The following ITIH6 variants were observed in gnomAD, a reference collection of about 807,000 sequenced individuals.
ITIH6 encodes the protein inter-alpha-trypsin inhibitor heavy chain H6.
Under a neutral mutation model 58.2 loss-of-function variants are expected in ITIH6, and 60 were observed. The ratio of observed to expected loss-of-function variants is 1.03; its 90% confidence interval spans 0.84 to 1.28. ITIH6 has a LOEUF of 1.28. Among genes scored for constraint, ITIH6 ranks in the 50% most tolerant of loss-of-function variants. The probability of loss-of-function intolerance (pLI) is 0.00; values close to 1 mark genes in which losing one functional copy is unlikely to be tolerated. For missense variants in ITIH6, 1,290 were observed against 1,021.1 expected (o/e 1.26, Z -3.59); for synonymous variants, 493 against 417.4 (o/e 1.18, Z -2.21).
chrX:54,792,673 G>A (rs961549254), intron 2 of ITIH6, among the ~76,000 whole-genome samples: 2 of 111,687 alleles, frequency 1.8e-5, no homozygotes, highest in African/African-American at 6.5e-5. Context: ...TCCTCAGGGA[G>A]CTCAGAGACT....
rs976730213 is a variant in ITIH6 at position 54,771,402 on chromosome X, A to T, written c.903+2679T>A. ...AAAATTCTTTTTATTTTTGTTTTTTAGCTTCAGGAATTTCTATGAACGTAT... is the reference window on the plus strand; with the variant it reads ...AAAATTCTTTTTATTTTTGTTTTTTTGCTTCAGGAATTTCTATGAACGTAT... On this transcript the variant is annotated intron_variant, in intron 6 of 12. Coordinates refer to ENST00000218436, the MANE Select transcript of ITIH6 (RefSeq NM_198510.3). Among the ~76,000 whole-genome samples the T allele has an allele frequency of 1.2e-4, 13 of 111,608 alleles. 1 individual carries two copies. The highest frequency in any genetic ancestry group is 4.2e-4 in the African/African-American group (13 of 30,683).
At chrX:54,773,267 A>G (rs1286400761) in intron 6 of ITIH6, among the ~76,000 whole-genome samples, 1 of 111,371 alleles carries the variant, frequency 9.0e-6, no homozygotes, top group African/African-American at 3.3e-5. Flanking sequence ...AGGACTTCTG[A>G]GATTTTTACC....
At chrX:54,760,748 C>T (rs1334050842) in intron 6 of ITIH6, among the ~76,000 whole-genome samples, 1 of 111,216 alleles carries the variant, frequency 9.0e-6, no homozygotes. Context: ...TCATCCATGT[C>T]CCTACAAAGG....
chrX:54,795,586 T>G (rs1208817676), intron 2 of ITIH6, among the ~76,000 whole-genome samples: 4 of 111,856 alleles, frequency 3.6e-5, no homozygotes, highest in Non-Finnish European at 7.5e-5. Context: ...TCCCTGACAG[T>G]ACAGTGACAC....
rs1311797478 is a variant in ITIH6 at position 54,758,619 on chromosome X, C to T, written c.1455G>A (p.Leu485=). Residue 485 remains leucine (L), a synonymous_variant, in exon 8 of 13, where the codon TTG becomes TTA. Coordinates refer to ENST00000218436, the MANE Select transcript of ITIH6 (RefSeq NM_198510.3). ...ADVRLNYLGG[L]VGASPWAVFP... is the part of the protein sequence containing the mutation. Reference sequence around the variant, plus strand: ...AAACGGCCCAAGGGGAGGCCCCAACCAAGCCACCCAGGTAGTTCAGACGCA... The same window carrying T: ...AAACGGCCCAAGGGGAGGCCCCAACTAAGCCACCCAGGTAGTTCAGACGCA... The T allele has an allele frequency of 1.7e-6, 2 of 1,209,938 alleles. No homozygotes were observed. Among genetic ancestry groups the T allele is most frequent in the African/African-American group, 1.7e-5 (1 of 57,200 alleles).
intron 8 of ITIH6, among the ~76,000 whole-genome samples, chrX:54,756,297 C>A (rs1306034199): frequency 9.0e-6 from 1 of 111,221 alleles, no homozygotes; most frequent in Non-Finnish European, 1.9e-5. Flanking sequence ...ATTCTGTGAC[C>A]AGATTGTATG....
At chrX:54,766,195 TTGTTGG>T (rs982588668) in intron 6 of ITIH6, among the ~76,000 whole-genome samples, 2 of 110,055 alleles carry the variant, frequency 1.8e-5, no homozygotes, top group Admixed American at 2.0e-4. Flanking sequence ...TCTCTGTCTG[TTGTTGG>T]TGTATAGGAA....
In ITIH6 at chrX:54,751,288, T is replaced by C; in HGVS notation, c.3445A>G (p.Thr1149Ala). 8.3e-7 allele frequency: 1 copy of C among 1,211,741 alleles called. No individual in the cohort carries two copies. The highest frequency in any genetic ancestry group is 1.1e-6 in the Non-Finnish European group (1 of 895,397). ...RTYFQIITVT[T>A]DKPRAYTITI... is the part of the protein sequence containing the mutation. ...ATAGTATAGGCCCGGGGTTTGTCTG[T>C]AGTGACTGTGATGATCTGGAAGTAG... The change falls in exon 12 of 13, where the codon ACA becomes GCA. Residue 1149 changes from threonine (T) to alanine (A), a missense_variant. Coordinates refer to ENST00000218436, the MANE Select transcript of ITIH6 (RefSeq NM_198510.3).
intron 1 of ITIH6, 73 bp from the exon 2 acceptor site, chrX:54,797,169 C>G: frequency 1.1e-6 from 1 of 930,822 alleles, no homozygotes; most frequent in Non-Finnish European, 1.5e-6. Context: ...TCTTTGGGAA[C>G]CCAAGATTCC....
At position 54,758,307 on chromosome X, in the gene ITIH6, A is replaced by C; in HGVS notation, c.1767T>G (p.Ala589=). ...CAAGGGACAGGTTGAGGACTTTGGC[A>C]GCCAGCAGGTGGCGAGTGGTGGTGT... ...ARDTTTRHLL[A]AKVLNLSLEY... The change falls in exon 8 of 13, where the codon GCT becomes GCG. Residue 589 remains alanine, a synonymous_variant. Coordinates refer to ENST00000218436, the MANE Select transcript of ITIH6 (RefSeq NM_198510.3). 3.3e-6 allele frequency: 4 copies of C among 1,211,839 alleles called. No homozygotes were observed. Among genetic ancestry groups the C allele is most frequent in the Non-Finnish European group, 4.5e-6 (4 of 895,403 alleles).
chrX:54,754,590 G>T (rs1928448849), intron 9 of ITIH6, among the ~76,000 whole-genome samples: 1 of 111,678 alleles, frequency 9.0e-6, no homozygotes, highest in Non-Finnish European at 1.9e-5. Flanking sequence ...CACATGGCAA[G>T]GAATGCAGGA....
chrX:54,789,922 G>C (rs1415156889), intron 4 of ITIH6, among the ~76,000 whole-genome samples: 2 of 107,680 alleles, frequency 1.9e-5, no homozygotes, highest in Non-Finnish European at 3.9e-5. Context: ...GATGGGAAAA[G>C]TGAAGTCGAG....
intron 2 of ITIH6, among the ~76,000 whole-genome samples, chrX:54,796,500 C>T (rs776804174): frequency 1.8e-5 from 2 of 109,321 alleles, no homozygotes; most frequent in African/African-American, 3.3e-5. Flanking sequence ...CTGGCTAACA[C>T]GGTGAAACCC....
At chrX:54,767,129 C>T (rs1329579923) in intron 6 of ITIH6, among the ~76,000 whole-genome samples, 40 of 109,403 alleles carry the variant, frequency 3.7e-4, no homozygotes, top group Non-Finnish European at 6.6e-4. Flanking sequence ...AGAGTGTATG[C>T]GTCGAGGAAT....
At chrX:54,769,499 T>G (rs1217476690) in intron 6 of ITIH6, among the ~76,000 whole-genome samples, 1 of 106,295 alleles carries the variant, frequency 9.4e-6, no homozygotes, top group South Asian at 4.2e-4. Flanking sequence ...TTTTTCCCCA[T>G]CTTTGTGGTT....
intron 3 of ITIH6, 55 bp downstream of exon 3, chrX:54,791,871 C>T (rs1929354007): frequency 2.9e-6 from 2 of 688,649 alleles, no homozygotes; most frequent in East Asian, 6.4e-5. Context: ...GTGCATCTCC[C>T]CTGATCACAC....
At position 54,798,089 on chromosome X, in the gene ITIH6, T is replaced by C; in HGVS notation, c.102+20A>G. 9.2e-7 allele frequency: 1 copy of C among 1,083,291 alleles called. No individual in the cohort carries two copies. Among genetic ancestry groups the C allele is most frequent in the Non-Finnish European group, 1.3e-6 (1 of 797,114 alleles). 89.3% of individuals were successfully genotyped at this position (1,083,291 alleles called of 1,213,427 possible). A position where few individuals can be genotyped will look rare whatever the true frequency, so the allele number is the denominator to read the frequency against. On this transcript the variant is annotated intron_variant, in intron 1 of 12. Coordinates refer to ENST00000218436, the MANE Select transcript of ITIH6 (RefSeq NM_198510.3). ...TTTATCACAAATCCCCAAGCTTTTT[T>C]CCCTCATCCCAGAACTGACCTTTGT...
chrX:54,761,469 T>C (rs1436511955), intron 6 of ITIH6, among the ~76,000 whole-genome samples: 3 of 110,921 alleles, frequency 2.7e-5, no homozygotes, highest in Non-Finnish European at 3.8e-5. Flanking sequence ...ATTTTGGCTT[T>C]TGCTGCCATT....
At chrX:54,765,878 CT>C (rs1210350037) in intron 6 of ITIH6, among the ~76,000 whole-genome samples, 35 of 110,484 alleles carry the variant, frequency 3.2e-4, no homozygotes, top group African/African-American at 9.3e-4. Context: ...AATGCGGGCT[CT>C]TTTTTGGTTC....
Sources: allele counts gnomAD v4.1 joint callset (sites outside exome capture counted in the v4.1 genomes callset), GRCh38; gene constraint gnomAD v4.1.1; transcripts MANE v1.5; gene names NCBI Gene and HGNC (gene_info 2026-07-23, HGNC 2026-07-21).